IFNGR2: variants seen among roughly 807,000 people sequenced by gnomAD.
The protein encoded by IFNGR2 is interferon gamma receptor 2.
Under a neutral mutation model 41.1 loss-of-function variants are expected in IFNGR2, and 15 were observed. That is an observed-to-expected ratio of 0.37 (90% CI 0.24 to 0.56). The LOEUF (loss-of-function observed/expected upper bound fraction) is 0.56, where lower values mean the gene tolerates loss of function less well. Among genes scored for constraint, IFNGR2 ranks in the 20% least tolerant of loss-of-function variants. IFNGR2 has a pLI of 0.81. For synonymous variants in IFNGR2, 161 were observed against 171.6 expected, an observed-to-expected ratio of 0.94 and a Z score of 0.48; for missense variants, 362 against 415.7, an observed-to-expected ratio of 0.87 and a Z score of 1.12.
chr21:33,415,552 C>T (rs2083747928), intron 2 of IFNGR2, among the ~76,000 whole-genome samples: 1 of 152,186 alleles, frequency 6.6e-6, no homozygotes, highest in Non-Finnish European at 1.5e-5. Flanking sequence ...AATATAAATA[C>T]ATATAGAAAG....
intron 4 of IFNGR2, among the ~76,000 whole-genome samples, chr21:33,429,905 G>A (rs2083871419): frequency 6.6e-6 from 1 of 152,158 alleles, no homozygotes; most frequent in South Asian, 2.1e-4. Flanking sequence ...TTGGGAGGCC[G>A]AGGCAGGCAG....
At position 33,436,917 on chromosome 21, in the gene IFNGR2, C is replaced by T. The variant is rs11546397; in HGVS notation, c.969C>T (p.Ile323=). ...ACGTCTGGGACTCTGTGTCCATTAT[C>T]TCGTTTCCGGAAAAGGAGCAAGAAG... ...KDDVWDSVSI[I]SFPEKEQEDV... The change falls in exon 7 of 7, where the codon ATC becomes ATT. Residue 323 remains isoleucine (I), a synonymous_variant. Transcript: ENST00000290219. 6.2e-7 allele frequency: 1 copy of T among 1,613,996 alleles called. No homozygotes were observed. The highest frequency in any genetic ancestry group is 1.3e-5 in the African/African-American group (1 of 75,002).
intron 1 of IFNGR2, among the ~76,000 whole-genome samples, chr21:33,410,660 G>T (rs2083709287): frequency 6.6e-6 from 1 of 151,842 alleles, no homozygotes; most frequent in Non-Finnish European, 1.5e-5. Context: ...TAGAGACGGG[G>T]TTTCACCATG....
rs752855307 is a variant in IFNGR2, at chr21:33,436,985, C to T, written c.*23C>T. 25 of 1,613,148 alleles carry T rather than the reference C, an allele frequency of 1.5e-5. No homozygotes were observed. The highest frequency in any genetic ancestry group is 2.1e-5 in the Non-Finnish European group (25 of 1,179,354). Reference sequence around the variant, plus strand: ...TGAACCAAAGCATGGGCCTAGCCCACTGGCTCCCTGGAAGAGATCAAGCCA... The same window carrying T: ...TGAACCAAAGCATGGGCCTAGCCCATTGGCTCCCTGGAAGAGATCAAGCCA... On this transcript the variant is annotated 3_prime_UTR_variant, in exon 7 of 7. Transcript: ENST00000290219.
At chr21:33,436,023 T>C (rs1235440109) in intron 6 of IFNGR2, among the ~76,000 whole-genome samples, 1 of 152,036 alleles carries the variant, frequency 6.6e-6, no homozygotes, top group Non-Finnish European at 1.5e-5. Context: ...ATCGCGCCAC[T>C]GCACTCCAGC....
chr21:33,428,202 C>G (rs1237011135), intron 4 of IFNGR2, among the ~76,000 whole-genome samples: 1 of 130,712 alleles, frequency 7.7e-6, no homozygotes, highest in Admixed American at 8.1e-5. Context: ...ATCTGCACTT[C>G]TCCTTCATTT....
intron 4 of IFNGR2, among the ~76,000 whole-genome samples, chr21:33,430,153 CAAAA>C (rs1479736008): frequency 6.6e-6 from 1 of 150,452 alleles, no homozygotes; most frequent in Non-Finnish European, 1.5e-5. Flanking sequence ...AACAAACAAA[CAAAA>C]AACGCACACA....
Position 33,437,028 on chromosome 21 carries a change from C to G in IFNGR2, c.*66C>G. 1 of 1,556,952 alleles carries G rather than the reference C, an allele frequency of 6.4e-7. No individual in the cohort carries two copies. The highest frequency in any genetic ancestry group is 8.8e-7 in the Non-Finnish European group (1 of 1,130,348). ...TCAAGCCATCGGAGCTGCTAGAGTT[C>G]TGTCTGGACTTTCCAGAGACCAGTA... On this transcript the variant is annotated 3_prime_UTR_variant, in exon 7 of 7. Coordinates refer to ENST00000290219, the MANE Select transcript of IFNGR2 (RefSeq NM_005534.4).
Position 33,415,040 on chromosome 21 carries a change from G to T in IFNGR2, c.206+20G>T. ...TAAATAGTAAGCCGGTATTTCTGTT[G>T]GATCCTTGCTGGGAGCTGTGGGGGC... On this transcript the variant is annotated intron_variant, in intron 2 of 6. Transcript: ENST00000290219. 1 of 1,613,828 alleles carries T rather than the reference G, an allele frequency of 6.2e-7. No individual in the cohort carries two copies. The highest frequency in any genetic ancestry group is 1.1e-5 in the South Asian group (1 of 91,072).
At chr21:33,433,329 C>T (rs546284847) in intron 6 of IFNGR2, among the ~76,000 whole-genome samples, 5 of 152,122 alleles carry the variant, frequency 3.3e-5, no homozygotes, top group East Asian at 1.9e-4. Flanking sequence ...CATGTTGACA[C>T]GATTCACAAC....
At chr21:33,429,750 AACAGATG>A (rs753610852) in intron 4 of IFNGR2, among the ~76,000 whole-genome samples, 9 of 152,214 alleles carry the variant, frequency 5.9e-5, no homozygotes, top group Non-Finnish European at 1.3e-4. Flanking sequence ...CCAGAAGGAA[AACAGATG>A]TTCCTCATAA....
chr21:33,405,101 CAGAAA>C (rs1373742617), intron 1 of IFNGR2, among the ~76,000 whole-genome samples: 1 of 63,448 alleles, frequency 1.6e-5, no homozygotes, highest in African/African-American at 1.1e-4. Flanking sequence ...GACTCTGTCT[CAGAAA>C]AAAAAAAAAA....
chr21:33,409,925 C>T (rs1182308018), intron 1 of IFNGR2, among the ~76,000 whole-genome samples: 1 of 152,092 alleles, frequency 6.6e-6, no homozygotes. Context: ...CTCAGGAATT[C>T]CCTCTCTAAT....
At chr21:33,431,690 C>A (rs927441013) in intron 4 of IFNGR2, among the ~76,000 whole-genome samples, 12 of 152,250 alleles carry the variant, frequency 7.9e-5, no homozygotes, top group African/African-American at 2.7e-4. Flanking sequence ...CCTCCCTCAG[C>A]CTCCCATGTA....
At chr21:33,414,328 G>A (rs961697249) in intron 1 of IFNGR2, among the ~76,000 whole-genome samples, 1 of 145,440 alleles carries the variant, frequency 6.9e-6, no homozygotes, top group Non-Finnish European at 1.5e-5. Flanking sequence ...CTTGGGCTTT[G>A]CGTACCTGAT....
At chr21:33,426,641 G>A (rs1448833824) in intron 3 of IFNGR2, among the ~76,000 whole-genome samples, 1 of 151,912 alleles carries the variant, frequency 6.6e-6, no homozygotes, top group South Asian at 2.1e-4. Flanking sequence ...AATTGCTTGA[G>A]CCCGGGAGGT....
chr21:33,437,129 T>C lies in IFNGR2; in HGVS notation c.*167T>C. The C allele has an allele frequency of 1.7e-6, 1 of 596,286 alleles. No homozygotes were observed. The highest frequency in any genetic ancestry group is 2.1e-5 in the South Asian group (1 of 48,502). The allele number at this position is 596,286 out of a possible 1,614,324, so 36.9% of individuals were successfully genotyped here. The stretch of plus-strand genomic sequence containing the variant: ...CAGGTCTCATGGGGGTGACAAGCTT[T>C]TTTTTTTTTTCTTAAAGAATTTTCA... On this transcript the variant is annotated 3_prime_UTR_variant, in exon 7 of 7. Coordinates refer to ENST00000290219, the MANE Select transcript of IFNGR2 (RefSeq NM_005534.4).
Position 33,403,445 on chromosome 21 carries a change from T to G in IFNGR2, c.-99T>G, listed in dbSNP as rs890879682. The G allele has an allele frequency of 1.8e-4, 129 of 721,358 alleles. No homozygotes were observed. The African/African-American group carries it at 2.3e-3, about 13-fold the overall frequency. 44.7% of individuals were successfully genotyped at this position (721,358 alleles called of 1,614,324 possible). ...GGGAAGAGGCGGGCCCTGCGCGCCC[T>G]GCGCTCGCCATGGCGGTTTGGGCGG... On this transcript the variant is annotated 5_prime_UTR_variant, in exon 1 of 7. Coordinates refer to ENST00000290219, the MANE Select transcript of IFNGR2 (RefSeq NM_005534.4).
At chr21:33,417,847 G>A (rs1196453958) in intron 2 of IFNGR2, among the ~76,000 whole-genome samples, 3 of 151,624 alleles carry the variant, frequency 2.0e-5, no homozygotes, top group Non-Finnish European at 2.9e-5. Flanking sequence ...AAGGAAGTAC[G>A]TTTACTGATT....
Sources: allele counts gnomAD v4.1 joint callset (sites outside exome capture counted in the v4.1 genomes callset), GRCh38; gene constraint gnomAD v4.1.1; transcripts MANE v1.5; gene names NCBI Gene and HGNC (gene_info 2026-07-23, HGNC 2026-07-21).